CNTNAP4: variants seen among roughly 807,000 people sequenced by gnomAD.
CNTNAP4 encodes the protein contactin-associated protein-like 4.
In CNTNAP4, 98 loss-of-function variants were observed where a neutral mutation model predicts 148.4. The ratio of observed to expected loss-of-function variants is 0.66; its 90% CI spans 0.56 to 0.78. The LOEUF (loss-of-function observed/expected upper bound fraction) is 0.78, where lower values mean the gene tolerates loss of function less well. Ranked by LOEUF, CNTNAP4 falls within the 30% of genes least tolerant of loss-of-function variation. CNTNAP4 has a pLI of 0.00. For synonymous variants in CNTNAP4, 730 were observed against 565.1 expected (o/e 1.29, Z -4.14); for missense variants, 1,935 against 1,565.6 (o/e 1.24, Z -3.98).
intron 2 of CNTNAP4, among the ~76,000 whole-genome samples, chr16:76,339,095 A>T (rs903170289): frequency 6.6e-6 from 1 of 152,176 alleles, no homozygotes; most frequent in African/African-American, 2.4e-5. Flanking sequence ...TGTGTGATCT[A>T]GTCCTAAAAG....
intron 10 of CNTNAP4, among the ~76,000 whole-genome samples, chr16:76,471,173 G>C (rs1391676955): frequency 6.6e-6 from 1 of 152,018 alleles, no homozygotes; most frequent in Non-Finnish European, 1.5e-5. Context: ...CATGCAGTGG[G>C]GTGGCCCTCA....
intron 18 of CNTNAP4, among the ~76,000 whole-genome samples, chr16:76,535,985 A>G (rs749079283): frequency 5.3e-5 from 8 of 152,180 alleles, no homozygotes; most frequent in Non-Finnish European, 8.8e-5. Flanking sequence ...GGAGCGCATC[A>G]TATTTCATTA....
chr16:76,411,438 G>C (rs951368915), intron 3 of CNTNAP4, among the ~76,000 whole-genome samples: 1 of 151,294 alleles, frequency 6.6e-6, no homozygotes, highest in African/African-American at 2.4e-5. Context: ...GAATTCAGTA[G>C]TTTTCTTTCA....
chr16:76,379,535 T>A (rs2015757801), intron 3 of CNTNAP4, among the ~76,000 whole-genome samples: 1 of 152,240 alleles, frequency 6.6e-6, no homozygotes, highest in South Asian at 2.1e-4. Flanking sequence ...ACTGATTTTG[T>A]CTTAATATTA....
intron 3 of CNTNAP4, among the ~76,000 whole-genome samples, chr16:76,403,094 A>C (rs75914375): frequency 4.0e-3 from 522 of 129,876 alleles, no homozygotes; most frequent in African/African-American, 0.017. Flanking sequence ...GTTGGGTTTT[A>C]TTTTTTTTTT....
At chr16:76,403,047 T>C (rs1482233430) in intron 3 of CNTNAP4, among the ~76,000 whole-genome samples, 1 of 151,986 alleles carries the variant, frequency 6.6e-6, no homozygotes, top group Non-Finnish European at 1.5e-5. Context: ...ACAACTCCAT[T>C]AAAACGCGGG....
chr16:76,452,457 A>G (rs1290079531), intron 7 of CNTNAP4, 51 bp from the exon 8 acceptor site: 2 of 1,576,722 alleles, frequency 1.3e-6, no homozygotes, highest in Non-Finnish European at 8.7e-7. Flanking sequence ...TTCTGTTACT[A>G]ATGTGATGTG....
intron 7 of CNTNAP4, among the ~76,000 whole-genome samples, chr16:76,451,089 C>T (rs1254085602): frequency 2.0e-5 from 3 of 152,108 alleles, no homozygotes; most frequent in South Asian, 2.1e-4. Flanking sequence ...GGCTTGCTGT[C>T]GGTCGGTTGG....
rs117343438 is a variant in CNTNAP4 at position 76,458,670 on chromosome 16, G to A, written c.1334-3286G>A. Among the ~76,000 whole-genome samples, 735 of 152,274 alleles carry A rather than the reference G, an allele frequency of 4.8e-3. 2 individuals carry two copies. Among genetic ancestry groups the A allele is most frequent in the Non-Finnish European group, 7.8e-3 (533 of 68,018 alleles). On this transcript the variant is annotated intron_variant, in intron 8 of 23. Transcript: ENST00000611870. ...AGGCAGAGCTCAGGTGGTAATGCAA[G>A]TGATAGGAGCAGCTGTAAATACAGC... is the stretch of plus-strand genomic sequence containing the variant.
At chr16:76,420,287 A>G (rs1317768056) in intron 3 of CNTNAP4, among the ~76,000 whole-genome samples, 1 of 151,880 alleles carries the variant, frequency 6.6e-6, no homozygotes, top group Non-Finnish European at 1.5e-5. Flanking sequence ...ATAAATATTA[A>G]TTTCCCTTTA....
In CNTNAP4 at chr16:76,305,956, CAGCTTCATCTGTGT is replaced by C. The variant is rs541636494; in HGVS notation, c.86-10456_86-10443del. On this transcript the variant is annotated intron_variant, in intron 1 of 23. Coordinates refer to ENST00000611870, the MANE Select transcript of CNTNAP4 (RefSeq NM_033401.5). ...TTAATTTACTTAAGCTTATGGCTTC[CAGCTTCATCTGTGT>C]TGCTGTGAAGGAGATGATTTTATTC... Among the ~76,000 whole-genome samples, 19 of 152,262 alleles carry C rather than the reference CAGCTTCATCTGTGT, an allele frequency of 1.2e-4. No individual in the cohort carries two copies. In the South Asian group the frequency reaches 3.7e-3, roughly 30 times the overall value.
At chr16:76,540,924 G>T (rs2084425462) in intron 21 of CNTNAP4, 134 bp downstream of exon 21, 1 of 595,686 alleles carries the variant, frequency 1.7e-6, no homozygotes, top group East Asian at 3.4e-5. Flanking sequence ...TATGAAGTGA[G>T]TGATAATCAA....
intron 12 of CNTNAP4, among the ~76,000 whole-genome samples, chr16:76,489,006 T>C (rs2082119642): frequency 6.6e-6 from 1 of 152,170 alleles, no homozygotes; most frequent in East Asian, 1.9e-4. Flanking sequence ...TAACTTCCTA[T>C]TGAACTGCCT....
chr16:76,514,880 A>G (rs1192746977), intron 15 of CNTNAP4, among the ~76,000 whole-genome samples: 1 of 152,150 alleles, frequency 6.6e-6, no homozygotes, highest in African/African-American at 2.4e-5. Context: ...CTTATTTAAA[A>G]ATAATTCATG....
chr16:76,532,618 A>G (rs1408373593), intron 17 of CNTNAP4, among the ~76,000 whole-genome samples: 3 of 152,226 alleles, frequency 2.0e-5, no homozygotes, highest in Non-Finnish European at 2.9e-5. Context: ...TTAATGTGGG[A>G]TAATACAAAG....
At chr16:76,368,416 G>C (rs941340157) in intron 3 of CNTNAP4, among the ~76,000 whole-genome samples, 5 of 152,092 alleles carry the variant, frequency 3.3e-5, no homozygotes, top group South Asian at 2.1e-4. Flanking sequence ...CAAAGACTTG[G>C]AACCAACCCA....
chr16:76,353,366 T>TA (rs750052335), intron 2 of CNTNAP4, among the ~76,000 whole-genome samples: 1 of 152,302 alleles, frequency 6.6e-6, no homozygotes, highest in East Asian at 1.9e-4. Flanking sequence ...AATTTCAACT[T>TA]ACTTATTTTA....
intron 2 of CNTNAP4, among the ~76,000 whole-genome samples, chr16:76,340,833 A>G (rs1964411654): frequency 6.6e-6 from 1 of 152,142 alleles, no homozygotes; most frequent in South Asian, 2.1e-4. Flanking sequence ...CTAAAATTTG[A>G]TCAAGGAGAT....
At chr16:76,421,856 C>T (rs946920427) in intron 3 of CNTNAP4, among the ~76,000 whole-genome samples, 1 of 152,116 alleles carries the variant, frequency 6.6e-6, no homozygotes, top group Admixed American at 6.6e-5. Context: ...TTGGATGGAG[C>T]TGGACTGATT....
Sources: gnomAD v4.1 joint callset for allele counts (sites outside exome capture counted in the v4.1 genomes callset) on GRCh38, gnomAD v4.1.1 for gene constraint, MANE v1.5 for transcripts, NCBI Gene and HGNC (gene_info 2026-07-23, HGNC 2026-07-21) for gene names.